Variants in PDZRN4 observed in about 807,000 individuals in gnomAD.
PDZRN4 encodes the protein PDZ domain-containing RING finger protein 4.
PDZRN4 carries 70 observed loss-of-function variants against 99.0 expected under a neutral mutation model. The ratio of observed to expected loss-of-function variants is 0.71; its 90% CI spans 0.58 to 0.86. The LOEUF (loss-of-function observed/expected upper bound fraction) is 0.86, where lower values mean the gene tolerates loss of function less well. Ranked by LOEUF, PDZRN4 falls within the 40% of genes least tolerant of loss-of-function variation. The pLI is 0.00. For synonymous variants in PDZRN4, 551 were observed against 501.6 expected, an observed-to-expected ratio of 1.10 and a Z score of -1.32; for missense variants, 1,474 against 1,331.2, an observed-to-expected ratio of 1.11 and a Z score of -1.67.
At chr12:41,337,366 A>G (rs145494067) in intron 3 of PDZRN4, among the ~76,000 whole-genome samples, 35 of 152,160 alleles carry the variant, frequency 2.3e-4, no homozygotes, top group African/African-American at 8.2e-4. Context: ...CAGTTTCTCA[A>G]ATGGTACCCA....
chr12:41,539,000 G>A (rs116173485), intron 5 of PDZRN4, among the ~76,000 whole-genome samples: 2,321 of 152,036 alleles, frequency 0.015, 62 homozygotes, highest in African/African-American at 0.054. Flanking sequence ...ATTACAGTCC[G>A]CTGTTAGCTA....
At chr12:41,466,167 G>T (rs1952923234) in intron 3 of PDZRN4, among the ~76,000 whole-genome samples, 1 of 152,106 alleles carries the variant, frequency 6.6e-6, no homozygotes, top group African/African-American at 2.4e-5. Flanking sequence ...ATTGTGTAGG[G>T]AATCTCATCA....
chr12:41,334,690 A>G (rs1951762035), intron 3 of PDZRN4, among the ~76,000 whole-genome samples: 1 of 152,168 alleles, frequency 6.6e-6, no homozygotes, highest in Non-Finnish European at 1.5e-5. Flanking sequence ...ATAGGTAACT[A>G]GACTAACTGG....
chr12:41,493,368 A>G (rs1187140403), intron 3 of PDZRN4, among the ~76,000 whole-genome samples: 1 of 152,190 alleles, frequency 6.6e-6, no homozygotes, highest in Non-Finnish European at 1.5e-5. Flanking sequence ...AAGTAAATGT[A>G]CAAAACTGTG....
At chr12:41,405,327 C>A (rs533961853) in intron 3 of PDZRN4, among the ~76,000 whole-genome samples, 2 of 152,192 alleles carry the variant, frequency 1.3e-5, no homozygotes, top group Admixed American at 6.5e-5. Flanking sequence ...ATACAAACAG[C>A]CAACAAACAT....
intron 3 of PDZRN4, among the ~76,000 whole-genome samples, chr12:41,217,308 G>A (rs1312964724): frequency 6.6e-6 from 1 of 152,006 alleles, no homozygotes; most frequent in Non-Finnish European, 1.5e-5. Flanking sequence ...ACAGGGCTCA[G>A]GTTTAGAGGG....
At chr12:41,429,047 T>G (rs935892910) in intron 3 of PDZRN4, among the ~76,000 whole-genome samples, 1 of 152,166 alleles carries the variant, frequency 6.6e-6, no homozygotes, top group African/African-American at 2.4e-5. Flanking sequence ...GAGTTAAGTT[T>G]TGCTAGGTAG....
intron 3 of PDZRN4, among the ~76,000 whole-genome samples, chr12:41,314,301 C>T (rs372545120): frequency 6.6e-6 from 1 of 152,258 alleles, no homozygotes; most frequent in East Asian, 1.9e-4. Context: ...TCCTCCAACC[C>T]TATATTTTTC....
At chr12:41,505,450 C>T (rs534977285) in intron 3 of PDZRN4, among the ~76,000 whole-genome samples, 15 of 152,206 alleles carry the variant, frequency 9.9e-5, no homozygotes, top group Non-Finnish European at 2.1e-4. Flanking sequence ...GTTATCAGGA[C>T]TCATTTTAGG....
At position 41,432,975 on chromosome 12, in the gene PDZRN4, A is replaced by T. The variant is rs112119629; in HGVS notation, c.844-73481A>T. Among the ~76,000 whole-genome samples, 1,132 of 152,326 alleles carry T rather than the reference A, an allele frequency of 7.4e-3. 18 individuals carry two copies. Among genetic ancestry groups the T allele is most frequent in the African/African-American group, 0.025 (1,030 of 41,588 alleles). On this transcript the variant is annotated intron_variant, in intron 3 of 9. Transcript: ENST00000402685. ...TTTAAAACTTTCAGTGCCAAAACCA[A>T]CAAAGTCCCAGGCATATGAAGATAA...
At chr12:41,469,253 A>G (rs1592072396) in intron 3 of PDZRN4, among the ~76,000 whole-genome samples, 1 of 150,942 alleles carries the variant, frequency 6.6e-6, no homozygotes, top group Non-Finnish European at 1.5e-5. Context: ...AAGGTACACT[A>G]AAAATGATTG....
rs772029157 is a variant in PDZRN4, at chr12:41,573,245, A to G, written c.2466A>G (p.Ala822=). 2.5e-6 allele frequency: 4 copies of G among 1,614,130 alleles called. No homozygotes were observed. In the Admixed American group the frequency reaches 6.7e-5, roughly 27 times the overall value. ...GCAAGCTTCCTGATCAAGAGAAGGC[A>G]GTCAGCGAACACATCCCTTACCTCT... ...EGSKLPDQEK[A]VSEHIPYLSP... The change falls in exon 10 of 10, where the codon GCA becomes GCG. Residue 822 remains alanine, a synonymous_variant. Coordinates refer to ENST00000402685, the MANE Select transcript of PDZRN4 (RefSeq NM_001164595.2).
chr12:41,366,849 A>C lies in PDZRN4; in HGVS notation c.844-139607A>C, dbSNP rs142048337. Among the ~76,000 whole-genome samples the C allele has an allele frequency of 3.3e-3, 509 of 152,254 alleles. 1 individual carries two copies. Among genetic ancestry groups the C allele is most frequent in the Non-Finnish European group, 5.4e-3 (367 of 67,990 alleles). The stretch of plus-strand genomic sequence containing the variant: ...ATTAGGAAATTGCGAATTGCATTTT[A>C]ATTGAAAATGTCTTTGCAAATTGCT... On this transcript the variant is annotated intron_variant, in intron 3 of 9. Coordinates refer to ENST00000402685, the MANE Select transcript of PDZRN4 (RefSeq NM_001164595.2).
Position 41,470,789 on chromosome 12 carries a change from G to A in PDZRN4, c.844-35667G>A, listed in dbSNP as rs566474378. ...GATCGCTTCTGCTTTTACTCTGTTG[G>A]CAAGAACGAGCCTCATGGCCAAAAC... is the stretch of plus-strand genomic sequence containing the variant. On this transcript the variant is annotated intron_variant, in intron 3 of 9. Transcript: ENST00000402685. 2.6e-5 allele frequency among the ~76,000 whole-genome samples: 4 copies of A among 152,090 alleles called. No homozygotes were observed. The East Asian group carries it at 7.7e-4, about 29-fold the overall frequency.
chr12:41,266,512 G>T (rs1951278174), intron 3 of PDZRN4, among the ~76,000 whole-genome samples: 1 of 152,108 alleles, frequency 6.6e-6, no homozygotes, highest in African/African-American at 2.4e-5. Context: ...ATATGAAGCA[G>T]GAAGCTAGAT....
intron 5 of PDZRN4, among the ~76,000 whole-genome samples, chr12:41,521,787 A>G (rs1032328655): frequency 2.6e-5 from 4 of 152,070 alleles, no homozygotes; most frequent in African/African-American, 9.7e-5. Context: ...CCCCTTTGGC[A>G]TGTAATTGAG....
At position 41,324,019 on chromosome 12, in the gene PDZRN4, A is replaced by G. The variant is rs542680596; in HGVS notation, c.843+129831A>G. ...TACTTAGCTATTATAAGACATTCAT[A>G]GTCTTATAACTGAACTTCCAAAACC... On this transcript the variant is annotated intron_variant, in intron 3 of 9. Coordinates refer to ENST00000402685, the MANE Select transcript of PDZRN4 (RefSeq NM_001164595.2). Among the ~76,000 whole-genome samples, 10 of 152,184 alleles carry G rather than the reference A, an allele frequency of 6.6e-5. No homozygotes were observed. The East Asian group carries it at 1.9e-3, about 29-fold the overall frequency.
At chr12:41,204,256 TA>T in intron 3 of PDZRN4, among the ~76,000 whole-genome samples, 1 of 151,968 alleles carries the variant, frequency 6.6e-6, no homozygotes, top group Admixed American at 6.6e-5. Flanking sequence ...CTATGTCTGT[TA>T]GGAAGTCATT....
intron 5 of PDZRN4, among the ~76,000 whole-genome samples, chr12:41,521,027 T>C (rs1341874975): frequency 6.6e-6 from 1 of 152,142 alleles, no homozygotes; most frequent in Non-Finnish European, 1.5e-5. Context: ...CAAGCTATTA[T>C]AGAAGTCACA....
Sources: gnomAD v4.1 joint callset for allele counts (sites outside exome capture counted in the v4.1 genomes callset) on GRCh38, gnomAD v4.1.1 for gene constraint, MANE v1.5 for transcripts, NCBI Gene and HGNC (gene_info 2026-07-23, HGNC 2026-07-21) for gene names.